Variants in RBFOX1 observed in about 807,000 individuals in gnomAD.
RBFOX1 encodes the protein RNA binding protein fox-1 homolog 1.
RBFOX1 carries 8 observed loss-of-function variants against 57.7 expected under a neutral mutation model. That is an observed-to-expected ratio of 0.14 (90% CI 0.08 to 0.25). The LOEUF is 0.25. Ranked by LOEUF, RBFOX1 falls within the 10% of genes least tolerant of loss-of-function variation. RBFOX1 has a pLI of 1.00. For missense variants in RBFOX1, 611 were observed against 548.5 expected, an observed-to-expected ratio of 1.11 and a Z score of -1.14; for synonymous variants, 326 against 222.4, an observed-to-expected ratio of 1.47 and a Z score of -4.15.
intron 3 of RBFOX1, among the ~76,000 whole-genome samples, chr16:6,792,649 T>G (rs943204433): frequency 6.6e-6 from 1 of 152,088 alleles, no homozygotes; most frequent in Non-Finnish European, 1.5e-5. Flanking sequence ...GGTAACTTGA[T>G]GTCATGTCTT....
intron 3 of RBFOX1, among the ~76,000 whole-genome samples, chr16:6,758,142 T>G (rs558075153): frequency 2.0e-5 from 3 of 152,228 alleles, no homozygotes; most frequent in African/African-American, 7.2e-5. Context: ...TTTTGAAACT[T>G]TGTGGTCAGA....
chr16:6,032,560 G>A (rs1394258881), intron 1 of RBFOX1, among the ~76,000 whole-genome samples: 1 of 152,146 alleles, frequency 6.6e-6, no homozygotes, highest in Non-Finnish European at 1.5e-5. Flanking sequence ...CTATGGATGT[G>A]CCTCATTGCA....
chr16:5,683,154 G>C (rs550328551), intron 3 of RBFOX1, among the ~76,000 whole-genome samples: 32 of 149,434 alleles, frequency 2.1e-4, no homozygotes, highest in African/African-American at 7.6e-4. Flanking sequence ...GGTGGAGGTG[G>C]AGGTGGGGGG....
At chr16:6,568,223 T>A (rs1164485468) in intron 2 of RBFOX1, among the ~76,000 whole-genome samples, 2 of 152,218 alleles carry the variant, frequency 1.3e-5, no homozygotes, top group East Asian at 3.9e-4. Context: ...TGGGAGTGGC[T>A]CTAGCTCTAG....
chr16:7,563,891 C>A (rs1008935810), intron 5 of RBFOX1, among the ~76,000 whole-genome samples: 4 of 152,146 alleles, frequency 2.6e-5, no homozygotes, highest in African/African-American at 9.7e-5. Flanking sequence ...CACCAACCTC[C>A]AACCCTGCCC....
chr16:5,944,406 A>G (rs186639349), intron 4 of RBFOX1, among the ~76,000 whole-genome samples: 2 of 152,258 alleles, frequency 1.3e-5, no homozygotes, highest in East Asian at 3.9e-4. Flanking sequence ...AAGACGTGAG[A>G]CTGCTCTTAT....
intron 4 of RBFOX1, among the ~76,000 whole-genome samples, chr16:7,169,346 C>A (rs189379061): frequency 1.3e-5 from 2 of 152,170 alleles, no homozygotes; most frequent in Non-Finnish European, 2.9e-5. Flanking sequence ...AATCTCAGCA[C>A]TATGGGTATA....
chr16:6,547,560 G>GA (rs752822716), intron 2 of RBFOX1, among the ~76,000 whole-genome samples: 3 of 152,094 alleles, frequency 2.0e-5, no homozygotes, highest in Non-Finnish European at 4.4e-5. Flanking sequence ...CTTCCTCCTG[G>GA]AAGTCAGGCA....
intron 2 of RBFOX1, among the ~76,000 whole-genome samples, chr16:6,321,974 A>C (rs996412058): frequency 6.6e-6 from 1 of 152,184 alleles, no homozygotes; most frequent in Non-Finnish European, 1.5e-5. Context: ...CCCAATGCAT[A>C]ACACTTGAAA....
At chr16:5,718,543 A>G (rs1272984956) in intron 3 of RBFOX1, among the ~76,000 whole-genome samples, 1 of 152,248 alleles carries the variant, frequency 6.6e-6, no homozygotes, top group Non-Finnish European at 1.5e-5. Flanking sequence ...AAAATCAAGT[A>G]CAGTTATTAA....
At chr16:6,274,757 A>T (rs186701546) in intron 1 of RBFOX1, among the ~76,000 whole-genome samples, 5 of 152,338 alleles carry the variant, frequency 3.3e-5, no homozygotes, top group African/African-American at 9.6e-5. Flanking sequence ...ATTATCTCAG[A>T]ATGAAATATC....
At chr16:6,569,633 G>A (rs2097316477) in intron 2 of RBFOX1, among the ~76,000 whole-genome samples, 1 of 152,178 alleles carries the variant, frequency 6.6e-6, no homozygotes, top group South Asian at 2.1e-4. Context: ...AGTTTCATGG[G>A]CTCTGTCAAC....
chr16:6,637,933 A>C (rs2098458588), intron 2 of RBFOX1, among the ~76,000 whole-genome samples: 1 of 152,154 alleles, frequency 6.6e-6, no homozygotes, highest in Non-Finnish European at 1.5e-5. Context: ...TTAAAATGAC[A>C]AAGTCTCTGT....
intron 4 of RBFOX1, among the ~76,000 whole-genome samples, chr16:7,397,303 A>G (rs1266378445): frequency 1.3e-5 from 2 of 152,194 alleles, no homozygotes; most frequent in African/African-American, 2.4e-5. Context: ...TTGAAATCAC[A>G]AGATATTTAA....
At chr16:6,769,453 G>A (rs1267410874) in intron 3 of RBFOX1, among the ~76,000 whole-genome samples, 2 of 152,196 alleles carry the variant, frequency 1.3e-5, no homozygotes, top group Admixed American at 6.5e-5. Context: ...CATCTCCACT[G>A]CAACATTCTT....
At chr16:6,695,735 C>T (rs114250056) in intron 3 of RBFOX1, among the ~76,000 whole-genome samples, 2,294 of 152,176 alleles carry the variant, frequency 0.015, 59 homozygotes, top group African/African-American at 0.052. Flanking sequence ...AAATATAGTT[C>T]AAGAATCATG....
chr16:5,302,211 GTTAT>G (rs1173345044), intron 1 of RBFOX1, among the ~76,000 whole-genome samples: 3 of 152,136 alleles, frequency 2.0e-5, no homozygotes, highest in Non-Finnish European at 4.4e-5. Context: ...TTAGAAGTGA[GTTAT>G]TTAATTTCTA....
At chr16:5,258,747 C>A (rs1336390290) in intron 1 of RBFOX1, among the ~76,000 whole-genome samples, 1 of 152,132 alleles carries the variant, frequency 6.6e-6, no homozygotes, top group Non-Finnish European at 1.5e-5. Flanking sequence ...GAAACCCTAT[C>A]TCTATTAAAC....
chr16:6,713,015 C>T (rs1461525590), intron 3 of RBFOX1, among the ~76,000 whole-genome samples: 1 of 150,656 alleles, frequency 6.6e-6, no homozygotes, highest in Non-Finnish European at 1.5e-5. Context: ...TAAGACCTGC[C>T]TTTGCTCCTC....
Sources: gnomAD v4.1 joint callset for allele counts (sites outside exome capture counted in the v4.1 genomes callset) on GRCh38, gnomAD v4.1.1 for gene constraint, MANE v1.5 for transcripts, NCBI Gene and HGNC (gene_info 2026-07-23, HGNC 2026-07-21) for gene names.